The following FBXO34 variants were observed in gnomAD, a reference collection of about 807,000 sequenced individuals.
The protein encoded by FBXO34 is F-box only protein 34.
A neutral mutation model predicts 24.5 loss-of-function variants in FBXO34; 12 were observed. The observed-to-expected ratio is 0.49, with a 90% CI of 0.31 to 0.79. The LOEUF (loss-of-function observed/expected upper bound fraction) is 0.79, where lower values mean the gene tolerates loss of function less well. Among genes scored for constraint, FBXO34 ranks in the 30% least tolerant of loss-of-function variants. The probability of loss-of-function intolerance (pLI) is 0.04; values close to 1 mark genes in which losing one functional copy is unlikely to be tolerated. For synonymous variants in FBXO34, 320 were observed against 311.9 expected (o/e 1.03, Z -0.27); for missense variants, 823 against 857.7 (o/e 0.96, Z 0.51).
the FBXO34 span, among the ~76,000 whole-genome samples, chr14:55,393,503 C>G: frequency 6.6e-6 from 1 of 151,538 alleles, no homozygotes; most frequent in Non-Finnish European, 1.5e-5. Flanking sequence ...TCCCATTTCT[C>G]AGGGGTAATC....
At chr14:55,275,398 G>A (rs935874038) in intron 1 of FBXO34, among the ~76,000 whole-genome samples, 1 of 152,230 alleles carries the variant, frequency 6.6e-6, no homozygotes, top group South Asian at 2.1e-4. Context: ...TCTGTGCCAG[G>A]TACTCAGATA....
At chr14:55,440,338 T>TGAA in the FBXO34 span, 1 of 1,598,666 alleles carries the variant, frequency 6.3e-7, no homozygotes. Flanking sequence ...GCAAAGCCCT[T>TGAA]GGCACAGGAC....
At chr14:55,420,924 A>G in the FBXO34 span, among the ~76,000 whole-genome samples, 1 of 151,870 alleles carries the variant, frequency 6.6e-6, no homozygotes, top group Non-Finnish European at 1.5e-5. Context: ...AGCTGGGCAT[A>G]GTGGCAGGTG....
chr14:55,389,894 A>G, the FBXO34 span, among the ~76,000 whole-genome samples: 2 of 149,126 alleles, frequency 1.3e-5, no homozygotes, highest in Non-Finnish European at 2.9e-5. Context: ...GATCTATGAT[A>G]AAGTATAAAG....
chr14:55,378,613 TCCTC>T, the FBXO34 span, among the ~76,000 whole-genome samples: 2 of 151,812 alleles, frequency 1.3e-5, no homozygotes, highest in Non-Finnish European at 2.9e-5. Flanking sequence ...CTCCCTCCCT[TCCTC>T]CCTCCCTCCC....
chr14:55,360,162 T>C (rs1192408687), intron 3 of FBXO34, among the ~76,000 whole-genome samples: 1 of 152,084 alleles, frequency 6.6e-6, no homozygotes, highest in Non-Finnish European at 1.5e-5. Context: ...AGCCTCCACC[T>C]CCTGGGTTCA....
chr14:55,426,367 G>A, the FBXO34 span, among the ~76,000 whole-genome samples: 1 of 152,118 alleles, frequency 6.6e-6, no homozygotes, highest in Admixed American at 6.6e-5. Context: ...AAAGTGCCTG[G>A]TAACAAAAGG....
chr14:55,289,369 A>G (rs910589610), intron 1 of FBXO34, among the ~76,000 whole-genome samples: 1 of 152,170 alleles, frequency 6.6e-6, no homozygotes, highest in African/African-American at 2.4e-5. Context: ...TACTTTTTGA[A>G]TAATATGTTC....
At chr14:55,426,145 T>A in the FBXO34 span, among the ~76,000 whole-genome samples, 1 of 151,774 alleles carries the variant, frequency 6.6e-6, no homozygotes, top group Non-Finnish European at 1.5e-5. Flanking sequence ...TGGGTGCCTA[T>A]AATACCAGCT....
chr14:55,341,074 T>C (rs1883975333), intron 1 of FBXO34, among the ~76,000 whole-genome samples: 1 of 152,138 alleles, frequency 6.6e-6, no homozygotes, highest in Non-Finnish European at 1.5e-5. Context: ...GCGATAAGTA[T>C]AGGGATCACT....
At chr14:55,286,159 A>G (rs1320759520) in intron 1 of FBXO34, among the ~76,000 whole-genome samples, 2 of 152,170 alleles carry the variant, frequency 1.3e-5, no homozygotes, top group African/African-American at 4.8e-5. Flanking sequence ...TCCCTTCCCA[A>G]TTTGTAAAAA....
At chr14:55,434,872 C>T in the FBXO34 span, among the ~76,000 whole-genome samples, 2 of 152,126 alleles carry the variant, frequency 1.3e-5, no homozygotes, top group Non-Finnish European at 2.9e-5. Context: ...TCCATAAATC[C>T]TCCACCACCT....
Position 55,296,382 on chromosome 14 carries a change from GTTTTTTTTGTTTT to G in FBXO34, c.-11+24854_-11+24866del, listed in dbSNP as rs1433573726. Among the ~76,000 whole-genome samples, 138 of 95,822 alleles carry G rather than the reference GTTTTTTTTGTTTT, an allele frequency of 1.4e-3. 1 individual carries two copies. The South Asian group carries it at 0.036, about 25-fold the overall frequency. 62.9% of individuals were successfully genotyped at this position (95,822 alleles called of 152,430 possible). A position where few individuals can be genotyped will look rare whatever the true frequency, so the allele number is the denominator to read the frequency against. On this transcript the variant is annotated intron_variant, in intron 1 of 1. Transcript: ENST00000313833. ...AGTGGGTAGGTTTTGCTGTTCTTGT[GTTTTTTTTGTTTT>G]TTTTTTTTTTTTTTTTTTTTGAGAC...
At chr14:55,417,217 C>T in the FBXO34 span, among the ~76,000 whole-genome samples, 2 of 152,210 alleles carry the variant, frequency 1.3e-5, no homozygotes, top group South Asian at 2.1e-4. Flanking sequence ...GAGAAGAGTG[C>T]GTGTAACCGG....
downstream of FBXO34, among the ~76,000 whole-genome samples, chr14:55,372,248 C>A (rs1884836427): frequency 1.3e-5 from 2 of 152,104 alleles, no homozygotes; most frequent in African/African-American, 4.8e-5. Context: ...CCTTTCCATT[C>A]TCAATTTGTC....
chr14:55,303,334 C>G (rs563000215), intron 1 of FBXO34, among the ~76,000 whole-genome samples: 1 of 152,168 alleles, frequency 6.6e-6, no homozygotes, highest in South Asian at 2.1e-4. Flanking sequence ...CTCATCACAA[C>G]TCTGTGAAAT....
intron 1 of FBXO34, among the ~76,000 whole-genome samples, chr14:55,287,030 T>TC (rs1312142960): frequency 6.7e-6 from 1 of 150,340 alleles, no homozygotes; most frequent in African/African-American, 2.4e-5. Context: ...TGCCTTGGCC[T>TC]CCCCAGTATC....
chr14:55,289,089 C>G (rs1881856760), intron 1 of FBXO34, among the ~76,000 whole-genome samples: 2 of 152,068 alleles, frequency 1.3e-5, no homozygotes, highest in African/African-American at 4.8e-5. Flanking sequence ...ATATTTCAAG[C>G]AGCAAAATGA....
In FBXO34 at chr14:55,327,908, G is replaced by GTTTTTTTTTTTTTTTTTTTTT. The variant is rs386381425; in HGVS notation, c.-10-22458_-10-22438dup. Among the ~76,000 whole-genome samples, 14 of 48,730 alleles carry GTTTTTTTTTTTTTTTTTTTTT rather than the reference G, an allele frequency of 2.9e-4. 3 individuals are homozygous for GTTTTTTTTTTTTTTTTTTTTT. Among genetic ancestry groups the GTTTTTTTTTTTTTTTTTTTTT allele is most frequent in the South Asian group, 1.0e-3 (1 of 976 alleles). 32.0% of individuals were successfully genotyped at this position (48,730 alleles called of 152,430 possible). ...CATATGATTTTCTTTGTTGTTGTTGGTTTTTTTTTTTTTTTTTTTTTTTTT... is the reference window on the plus strand; with the variant it reads ...CATATGATTTTCTTTGTTGTTGTTGGTTTTTTTTTTTTTTTTTTTTTTTTTTTTTTTTTTTTTTTTTTTTTT... On this transcript the variant is annotated intron_variant, in intron 1 of 1. Transcript: ENST00000313833.
Sources: allele counts gnomAD v4.1 joint callset (sites outside exome capture counted in the v4.1 genomes callset), GRCh38; gene constraint gnomAD v4.1.1; transcripts MANE v1.5; gene names NCBI Gene and HGNC (gene_info 2026-07-23, HGNC 2026-07-21).